CNTN5: variants seen among roughly 807,000 people sequenced by gnomAD.
The protein encoded by CNTN5 is contactin-5.
A neutral mutation model predicts 129.1 loss-of-function variants in CNTN5; 77 were observed. That is an observed-to-expected ratio of 0.60 (90% CI 0.50 to 0.72). The LOEUF (loss-of-function observed/expected upper bound fraction) is 0.72, where lower values mean the gene tolerates loss of function less well. Ranked by LOEUF, CNTN5 falls within the 30% of genes least tolerant of loss-of-function variation. The pLI, the probability that CNTN5 is intolerant of heterozygous loss-of-function variation, is 0.00. For synonymous variants in CNTN5, 509 were observed against 465.6 expected, an observed-to-expected ratio of 1.09 and a Z score of -1.20; for missense variants, 1,478 against 1,328.8, an observed-to-expected ratio of 1.11 and a Z score of -1.75.
At chr11:99,339,569 G>A (rs1315608778) in intron 2 of CNTN5, among the ~76,000 whole-genome samples, 1 of 152,064 alleles carries the variant, frequency 6.6e-6, no homozygotes, top group East Asian at 1.9e-4. Flanking sequence ...CACGAAGTCA[G>A]GAGATCGAGA....
At chr11:100,339,263 G>C (rs1952107342) in intron 21 of CNTN5, among the ~76,000 whole-genome samples, 2 of 152,098 alleles carry the variant, frequency 1.3e-5, no homozygotes, top group Middle Eastern at 3.4e-3. Context: ...CCGAGCTCTT[G>C]TCTGGTGTCC....
chr11:99,564,641 G>A (rs1948946104), intron 3 of CNTN5, among the ~76,000 whole-genome samples: 1 of 152,136 alleles, frequency 6.6e-6, no homozygotes, highest in African/African-American at 2.4e-5. Context: ...CATAATTACT[G>A]TAGCCTATTT....
rs530090618 is a variant in CNTN5 at position 99,133,774 on chromosome 11, C to T, written c.-210+112504C>T. 3.5e-4 allele frequency among the ~76,000 whole-genome samples: 53 copies of T among 152,104 alleles called. 2 individuals carry two copies. The South Asian group carries it at 1.0e-2, about 29-fold the overall frequency. Reference sequence around the variant, plus strand: ...AAGAAACAACAGATGCTGGTGAGGTCGTGGAGAAATAGGAATGCTTTTCCA... The same window carrying T: ...AAGAAACAACAGATGCTGGTGAGGTTGTGGAGAAATAGGAATGCTTTTCCA... On this transcript the variant is annotated intron_variant, in intron 1 of 24. Transcript: ENST00000524871.
At chr11:99,565,586 G>A (rs1948976804) in intron 3 of CNTN5, among the ~76,000 whole-genome samples, 1 of 152,082 alleles carries the variant, frequency 6.6e-6, no homozygotes, top group African/African-American at 2.4e-5. Flanking sequence ...TTACCACTTG[G>A]TATTCAAAGA....
chr11:99,680,428 C>A (rs1412792009), intron 3 of CNTN5, among the ~76,000 whole-genome samples: 1 of 152,098 alleles, frequency 6.6e-6, no homozygotes, highest in East Asian at 1.9e-4. Context: ...TAGGCTAAAT[C>A]TATTCTTCCT....
intron 3 of CNTN5, among the ~76,000 whole-genome samples, chr11:99,785,366 T>G (rs1945481162): frequency 6.6e-6 from 1 of 152,152 alleles, no homozygotes; most frequent in Admixed American, 6.5e-5. Flanking sequence ...TTCACTCTGA[T>G]GATAGTTTCT....
chr11:99,552,481 A>T (rs764723032), intron 2 of CNTN5, among the ~76,000 whole-genome samples: 131 of 152,222 alleles, frequency 8.6e-4, no homozygotes, highest in Non-Finnish European at 1.1e-3. Context: ...AGGCAGGGCA[A>T]ATGTAAGAAA....
At chr11:99,173,829 A>G (rs1857643033) in intron 1 of CNTN5, among the ~76,000 whole-genome samples, 3 of 152,214 alleles carry the variant, frequency 2.0e-5, no homozygotes, top group African/African-American at 7.2e-5. Flanking sequence ...AAGCCTGAAT[A>G]TCAGTTATTA....
intron 2 of CNTN5, among the ~76,000 whole-genome samples, chr11:99,406,494 T>C (rs931555500): frequency 6.6e-6 from 1 of 151,932 alleles, no homozygotes; most frequent in Non-Finnish European, 1.5e-5. Context: ...CTGCACTGGG[T>C]CAGATCTTAA....
At chr11:99,750,209 C>A (rs1378684482) in intron 3 of CNTN5, among the ~76,000 whole-genome samples, 3 of 151,900 alleles carry the variant, frequency 2.0e-5, no homozygotes, top group African/African-American at 7.3e-5. Flanking sequence ...AATTAATATA[C>A]CTTGAGATGT....
chr11:99,297,590 A>G (rs1432576346), intron 1 of CNTN5, among the ~76,000 whole-genome samples: 1 of 152,166 alleles, frequency 6.6e-6, no homozygotes, highest in East Asian at 1.9e-4. Flanking sequence ...AGTTATCATT[A>G]GTAAGTTTTT....
intron 3 of CNTN5, among the ~76,000 whole-genome samples, chr11:99,588,217 G>A (rs1487999012): frequency 2.0e-5 from 3 of 151,922 alleles, no homozygotes; most frequent in East Asian, 3.9e-4. Context: ...ATTGGCGGAC[G>A]CCTATAGTCC....
chr11:99,459,462 A>C (rs1944611210), intron 2 of CNTN5, among the ~76,000 whole-genome samples: 1 of 152,030 alleles, frequency 6.6e-6, no homozygotes, highest in Admixed American at 6.6e-5. Context: ...TATGAGCATT[A>C]ACATTATTAG....
intron 13 of CNTN5, among the ~76,000 whole-genome samples, chr11:100,098,047 C>T (rs1008620385): frequency 1.3e-5 from 2 of 151,868 alleles, no homozygotes; most frequent in African/African-American, 2.4e-5. Flanking sequence ...GTTAGCTTTA[C>T]GAGCTAAAAG....
chr11:99,546,355 G>T (rs1948290490), intron 2 of CNTN5, among the ~76,000 whole-genome samples: 1 of 152,110 alleles, frequency 6.6e-6, no homozygotes, highest in Non-Finnish European at 1.5e-5. Context: ...CAAACAGGTT[G>T]CTTAAAAATA....
chr11:100,230,848 C>T (rs1949472140), intron 16 of CNTN5, among the ~76,000 whole-genome samples: 1 of 152,180 alleles, frequency 6.6e-6, no homozygotes, highest in African/African-American at 2.4e-5. Context: ...AAGTTCTAAT[C>T]AACTGAGTTT....
At chr11:99,055,200 C>T (rs1398427032) in intron 1 of CNTN5, among the ~76,000 whole-genome samples, 1 of 151,888 alleles carries the variant, frequency 6.6e-6, no homozygotes, top group Non-Finnish European at 1.5e-5. Flanking sequence ...TGCTCTATAG[C>T]CAGTGAAAGC....
At chr11:99,267,897 A>G (rs1272171586) in intron 1 of CNTN5, among the ~76,000 whole-genome samples, 1 of 140,574 alleles carries the variant, frequency 7.1e-6, no homozygotes, top group Non-Finnish European at 1.5e-5. Flanking sequence ...CTCTTTCTCT[A>G]TCAAGTAAAC....
chr11:100,267,253 C>CCA (rs113458728), intron 17 of CNTN5, among the ~76,000 whole-genome samples: 4,372 of 143,794 alleles, frequency 0.03, 147 homozygotes, highest in African/African-American at 0.074. Flanking sequence ...CATGAATCAA[C>CCA]CACACACACA....
Sources: allele counts gnomAD v4.1 joint callset (sites outside exome capture counted in the v4.1 genomes callset), GRCh38; gene constraint gnomAD v4.1.1; transcripts MANE v1.5; gene names NCBI Gene and HGNC (gene_info 2026-07-23, HGNC 2026-07-21).